SLCO5A1: variants seen among roughly 807,000 people sequenced by gnomAD.
SLCO5A1 encodes the protein organic anion transporter polypeptide-related protein 4.
In SLCO5A1, 39 loss-of-function variants were observed where a neutral mutation model predicts 65.1. The observed-to-expected ratio is 0.60, with a 90% CI of 0.46 to 0.78. The LOEUF is 0.78. SLCO5A1 is among the 30% of genes least tolerant of loss of function. The pLI is 0.00. For synonymous variants in SLCO5A1, 438 were observed against 415.7 expected (o/e 1.05, Z -0.65); for missense variants, 1,029 against 1,069.4 (o/e 0.96, Z 0.53).
At chr8:69,721,088 C>A (rs1415654662) in intron 5 of SLCO5A1, among the ~76,000 whole-genome samples, 1 of 152,208 alleles carries the variant, frequency 6.6e-6, no homozygotes, top group Admixed American at 6.5e-5. Context: ...TGTGGCAAGT[C>A]CTGGCCAATG....
At chr8:69,817,085 G>A (rs1180377520) in intron 2 of SLCO5A1, among the ~76,000 whole-genome samples, 1 of 152,092 alleles carries the variant, frequency 6.6e-6, no homozygotes, top group Non-Finnish European at 1.5e-5. Context: ...ACATCATCGT[G>A]CAACAGATCT....
intron 5 of SLCO5A1, among the ~76,000 whole-genome samples, chr8:69,721,118 A>G (rs1446111106): frequency 1.3e-5 from 2 of 152,228 alleles, no homozygotes; most frequent in African/African-American, 4.8e-5. Flanking sequence ...CAAAAGTAGT[A>G]CATCCATGCT....
intron 6 of SLCO5A1, among the ~76,000 whole-genome samples, chr8:69,685,670 G>T (rs1323960437): frequency 6.6e-6 from 1 of 152,128 alleles, no homozygotes; most frequent in Non-Finnish European, 1.5e-5. Context: ...GAGCTAGAGA[G>T]ATGGAGGGAT....
intron 2 of SLCO5A1, among the ~76,000 whole-genome samples, chr8:69,799,684 C>T (rs536792527): frequency 2.0e-5 from 3 of 152,150 alleles, no homozygotes; most frequent in Non-Finnish European, 4.4e-5. Flanking sequence ...GAAGCAAAAA[C>T]GTCCTTCTTC....
At chr8:69,828,815 C>T (rs1821041130) in intron 2 of SLCO5A1, among the ~76,000 whole-genome samples, 1 of 152,158 alleles carries the variant, frequency 6.6e-6, no homozygotes, top group South Asian at 2.1e-4. Context: ...TTCATATGCA[C>T]TTGCTATTTT....
intron 5 of SLCO5A1, among the ~76,000 whole-genome samples, chr8:69,709,469 T>C (rs1299416005): frequency 6.6e-6 from 1 of 152,202 alleles, no homozygotes; most frequent in East Asian, 1.9e-4. Context: ...AGCTTTACAA[T>C]GTTAGTTTTT....
chr8:69,800,371 C>T (rs937096121), intron 2 of SLCO5A1, among the ~76,000 whole-genome samples: 3 of 151,028 alleles, frequency 2.0e-5, no homozygotes, highest in African/African-American at 7.3e-5. Flanking sequence ...GAGAAGAGGC[C>T]TGCCCAAACT....
At chr8:69,834,491 G>C (rs901267865) in intron 1 of SLCO5A1, among the ~76,000 whole-genome samples, 5 of 152,098 alleles carry the variant, frequency 3.3e-5, no homozygotes, top group African/African-American at 9.7e-5. Context: ...CACAATCCCG[G>C]GCTTCCCCGC....
At position 69,671,461 on chromosome 8, in the gene SLCO5A1, CCT is replaced by C. The variant is rs1316710625; in HGVS notation, c.*1406_*1407del. ...CTTACACTCCCTGGCAGCCAGAACCCCTGAGCTAACTTGCTGTCAATCCGTTA... is the reference window on the plus strand; with the variant it reads ...CTTACACTCCCTGGCAGCCAGAACCCGAGCTAACTTGCTGTCAATCCGTTA... On this transcript the variant is annotated 3_prime_UTR_variant, in exon 10 of 10. Transcript: ENST00000260126. 1.4e-4 allele frequency: 21 copies of C among 152,334 alleles called. No homozygotes were observed. Among genetic ancestry groups the C allele is most frequent in the African/African-American group, 5.1e-4 (21 of 41,574 alleles). The allele number at this position is 152,334 out of a possible 1,614,324, so 9.4% of individuals were successfully genotyped here. A position where few individuals can be genotyped will look rare whatever the true frequency, so the allele number is the denominator to read the frequency against.
chr8:69,830,855 T>C (rs185503908), intron 2 of SLCO5A1, among the ~76,000 whole-genome samples: 1 of 152,320 alleles, frequency 6.6e-6, no homozygotes, highest in Non-Finnish European at 1.5e-5. Flanking sequence ...CCCAAGTTCA[T>C]ACAATTGAGG....
intron 6 of SLCO5A1, among the ~76,000 whole-genome samples, chr8:69,692,188 G>T (rs937903873): frequency 4.6e-5 from 7 of 152,230 alleles, no homozygotes; most frequent in African/African-American, 1.7e-4. Context: ...GGCGGAGCTT[G>T]CAGTGAGCCA....
At chr8:69,811,076 G>A (rs964883255) in intron 2 of SLCO5A1, among the ~76,000 whole-genome samples, 6 of 152,202 alleles carry the variant, frequency 3.9e-5, no homozygotes, top group East Asian at 1.9e-4. Flanking sequence ...ATGAGCCAAC[G>A]TCTCAGCAGG....
rs999298278 is a variant in SLCO5A1 at position 69,671,762 on chromosome 8, T to C, written c.*1107A>G. The C allele has an allele frequency of 1.3e-5, 2 of 152,212 alleles. No homozygotes were observed. Among genetic ancestry groups the C allele is most frequent in the Non-Finnish European group, 2.9e-5 (2 of 68,042 alleles). The allele number at this position is 152,212 out of a possible 1,614,324, so 9.4% of individuals were successfully genotyped here. On this transcript the variant is annotated 3_prime_UTR_variant, in exon 10 of 10. Transcript: ENST00000260126. ...CATAATTTTCAACAATTACTTAAGA[T>C]CATATTCTGTTCCAGAACACAGATC... is the stretch of plus-strand genomic sequence containing the variant.
chr8:69,682,453 G>T, intron 6 of SLCO5A1, 110 bp from the exon 7 acceptor site: 1 of 1,123,534 alleles, frequency 8.9e-7, no homozygotes, highest in Non-Finnish European at 1.2e-6. Flanking sequence ...TCTTCCCATT[G>T]AATCAAAGCC....
rs572812296 is a variant in SLCO5A1, at chr8:69,667,052, T to C, written c.*5817A>G. On this transcript the variant is annotated 3_prime_UTR_variant, in exon 10 of 10. Coordinates refer to ENST00000260126, the MANE Select transcript of SLCO5A1 (RefSeq NM_030958.3). The stretch of plus-strand genomic sequence containing the variant: ...AGTTCTAGAAACAATTTCATTTCAG[T>C]CCAACACACTTTATTCATTTTTAAC... The C allele has an allele frequency of 6.6e-6, 1 of 152,320 alleles. No individual in the cohort carries two copies. Among genetic ancestry groups the C allele is most frequent in the South Asian group, 2.1e-4 (1 of 4,828 alleles). 9.4% of individuals were successfully genotyped at this position (152,320 alleles called of 1,614,324 possible).
intron 6 of SLCO5A1, among the ~76,000 whole-genome samples, chr8:69,689,884 T>C (rs1814169234): frequency 6.6e-6 from 1 of 152,048 alleles, no homozygotes. Flanking sequence ...AGAAAGTCAT[T>C]GGTAGCTTGA....
chr8:69,698,371 C>T (rs1416014063), intron 6 of SLCO5A1, among the ~76,000 whole-genome samples: 2 of 152,094 alleles, frequency 1.3e-5, no homozygotes, highest in Middle Eastern at 3.2e-3. Flanking sequence ...GATATATAAC[C>T]AGTAATGGGA....
At chr8:69,779,713 A>G (rs114452867) in intron 2 of SLCO5A1, among the ~76,000 whole-genome samples, 218 of 152,262 alleles carry the variant, frequency 1.4e-3, no homozygotes, top group African/African-American at 5.2e-3. Context: ...CCAAATTAGA[A>G]CTTAACTCTG....
chr8:69,795,041 A>T lies in SLCO5A1; in HGVS notation c.908-33166T>A, dbSNP rs971455120. On this transcript the variant is annotated intron_variant, in intron 2 of 9. Transcript: ENST00000260126. ...TGGTGCTAAACCATTCATGAGGGAC[A>T]ACCCCTGTGATCCAATTACTTCCCA... 3.9e-5 allele frequency among the ~76,000 whole-genome samples: 6 copies of T among 152,206 alleles called. 1 individual carries two copies. The highest frequency in any genetic ancestry group is 5.9e-5 in the Non-Finnish European group (4 of 68,042).
Sources: gnomAD v4.1 joint callset for allele counts (sites outside exome capture counted in the v4.1 genomes callset) on GRCh38, gnomAD v4.1.1 for gene constraint, MANE v1.5 for transcripts, NCBI Gene and HGNC (gene_info 2026-07-23, HGNC 2026-07-21) for gene names.